The following PSMB8 variants were observed in gnomAD, a reference collection of about 807,000 sequenced individuals.
The protein encoded by PSMB8 is proteasome subunit beta type-8.
Under a neutral mutation model 32.3 loss-of-function variants are expected in PSMB8, and 20 were observed. The observed-to-expected ratio is 0.62, with a 90% CI of 0.44 to 0.90. The LOEUF is 0.90. PSMB8 is among the 40% of genes least tolerant of loss of function. PSMB8 has a pLI of 0.00. For missense variants in PSMB8, 342 were observed against 365.4 expected, an observed-to-expected ratio of 0.94 and a Z score of 0.52; for synonymous variants, 131 against 135.4, an observed-to-expected ratio of 0.97 and a Z score of 0.23.
At chr6:32,842,376 A>G (rs1345530442) in intron 3 of PSMB8, 113 bp from the exon 4 acceptor site, 2 of 1,378,750 alleles carry the variant, frequency 1.5e-6, no homozygotes, top group Non-Finnish European at 2.0e-6. Context: ...GTAGGATCTA[A>G]AGATCAGAGA....
upstream of PSMB8, chr6:32,844,401 T>C: frequency 6.2e-7 from 1 of 1,612,596 alleles, no homozygotes. Flanking sequence ...GGGGTGGGGG[T>C]TCCTATGAGC....
rs777501003 is a variant in PSMB8, at chr6:32,841,616, A to G, written c.657T>C (p.Leu219=). The part of the protein sequence containing the change: ...GVMDSGYRPN[L]SPEEAYDLGR... ...CAAGGTCATAGGCCTCTTCAGGGCT[A>G]AGATTAGGCCGATAGCCACTGTCCA... is the stretch of plus-strand genomic sequence containing the variant. Residue 219 remains leucine (L), a synonymous_variant, in exon 5 of 6, where the codon CTT becomes CTC. Transcript: ENST00000374882. The G allele has an allele frequency of 6.2e-7, 1 of 1,613,050 alleles. No homozygotes were observed. Among genetic ancestry groups the G allele is most frequent in the South Asian group, 1.1e-5 (1 of 91,086 alleles).
rs370921298 is a variant in PSMB8 at position 32,842,927 on chromosome 6, A to G, written c.295+15T>C. On this transcript the variant is annotated intron_variant, in intron 2 of 5. Transcript: ENST00000374882. ...CAGCTCCCCAGATTCTGCCTGCTGG[A>G]GCGTATACACTCACTAATGTAGGAC... is the stretch of plus-strand genomic sequence containing the variant. The G allele has an allele frequency of 1.9e-6, 3 of 1,613,748 alleles. No individual in the cohort carries two copies. The highest frequency in any genetic ancestry group is 2.5e-6 in the Non-Finnish European group (3 of 1,180,036).
chr6:32,842,563 A>G (rs1769980898), intron 3 of PSMB8, 109 bp downstream of exon 3: 2 of 1,064,376 alleles, frequency 1.9e-6, no homozygotes, highest in African/African-American at 3.1e-5. Context: ...TGTGAAATAT[A>G]CTATTAGCAC....
In PSMB8 at chr6:32,842,674, G is replaced by A. The variant is rs146254972; in HGVS notation, c.405C>T (p.Cys135=). The A allele has an allele frequency of 4.3e-6, 7 of 1,612,680 alleles. No individual in the cohort carries two copies. The African/African-American group carries it at 5.3e-5, about 12-fold the overall frequency. The change falls in exon 3 of 6, where the codon TGC becomes TGT. Residue 135 remains cysteine (C), a splice_region_variant and synonymous_variant. Coordinates refer to ENST00000374882, the MANE Select transcript of PSMB8 (RefSeq NM_148919.4). The stretch of plus-strand genomic sequence containing the variant: ...GGAAGATGAGAGGCCTCGCTTACCT[G>A]CATTCCTTGGCCAGCAGGCGCTCCC... ...QYWERLLAKE[C]RLYYLRNGER...
upstream of PSMB8, chr6:32,844,389 GC>G (rs1221011542): frequency 3.1e-6 from 5 of 1,613,844 alleles, no homozygotes; most frequent in Non-Finnish European, 4.2e-6. Context: ...GTAGTGTCAC[GC>G]GGGGTGGGGG....
Position 32,841,571 on chromosome 6 carries a change from A to G in PSMB8, c.702T>C (p.Tyr234=), listed in dbSNP as rs774779801. The part of the protein sequence containing the change: ...AYDLGRRAIA[Y]ATHRDSYSGG... ...CAGAATAGCTGTCTCTGTGAGTGGC[A>G]TAAGCAATAGCCCTGCGGCCAAGGT... The change falls in exon 5 of 6, where the codon TAT becomes TAC. Residue 234 remains tyrosine (Y), a synonymous_variant. Transcript: ENST00000374882. The G allele has an allele frequency of 6.2e-7, 1 of 1,612,974 alleles. No homozygotes were observed. The highest frequency in any genetic ancestry group is 8.5e-7 in the Non-Finnish European group (1 of 1,180,020).
chr6:32,843,361 A>G (rs1308767693), intron 1 of PSMB8, among the ~76,000 whole-genome samples: 1 of 152,168 alleles, frequency 6.6e-6, no homozygotes, highest in Non-Finnish European at 1.5e-5. Context: ...GAGTGACTTA[A>G]AGGGTTTCTT....
chr6:32,844,468 G>A (rs1770192509), upstream of PSMB8: 1 of 1,605,822 alleles, frequency 6.2e-7, no homozygotes. Flanking sequence ...CTTGGAAACA[G>A]GTCCTGGGCC....
intron 2 of PSMB8, 68 bp from the exon 3 acceptor site, chr6:32,842,851 A>G: frequency 1.2e-6 from 2 of 1,609,478 alleles, no homozygotes; most frequent in Non-Finnish European, 8.5e-7. Context: ...TCCTAAATCA[A>G]TATCCACTTC....
upstream of PSMB8, chr6:32,844,197 G>T (rs1770154408): frequency 6.4e-7 from 1 of 1,570,282 alleles, no homozygotes; most frequent in African/African-American, 1.4e-5. Flanking sequence ...GGGAATGATG[G>T]GTCAAGGGTC....
rs764796340 is a variant in PSMB8, at chr6:32,841,610, A to C, written c.663T>G (p.Pro221=). ...TGCGGCCAAGGTCATAGGCCTCTTC[A>C]GGGCTAAGATTAGGCCGATAGCCAC... The part of the protein sequence containing the change: ...MDSGYRPNLS[P]EEAYDLGRRA... Residue 221 remains proline, a synonymous_variant, in exon 5 of 6, where the codon CCT becomes CCG. Coordinates refer to ENST00000374882, the MANE Select transcript of PSMB8 (RefSeq NM_148919.4). The C allele has an allele frequency of 6.2e-6, 10 of 1,612,948 alleles. No homozygotes were observed. The highest frequency in any genetic ancestry group is 8.5e-6 in the Non-Finnish European group (10 of 1,180,042).
Position 32,843,972 on chromosome 6 carries a change from C to A in PSMB8, c.25G>T (p.Ala9Ser). 6.2e-7 allele frequency: 1 copy of A among 1,612,464 alleles called. No individual in the cohort carries two copies. The highest frequency in any genetic ancestry group is 8.5e-7 in the Non-Finnish European group (1 of 1,179,842). The change falls in exon 1 of 6, where the codon GCC becomes TCC. Residue 9 changes from alanine to serine, a missense_variant. Ala to Ser is a moderately conservative substitution (Grantham distance 99). Coordinates refer to ENST00000374882, the MANE Select transcript of PSMB8 (RefSeq NM_148919.4). ...GATTCCGGCCGCTGCCCTCGGGGGG[C>A]TCCGCATACATCTAGTAGCGCCATG... MALLDVCG[A>S]PRGQRPESAL...
In PSMB8 at chr6:32,842,983, A is replaced by G. The variant is rs548445572; in HGVS notation, c.254T>C (p.Ile85Thr). The G allele has an allele frequency of 1.9e-6, 3 of 1,613,182 alleles. No homozygotes were observed. The highest frequency in any genetic ancestry group is 1.7e-5 in the Admixed American group (1 of 60,026). Residue 85 changes from isoleucine to threonine, a missense_variant, in exon 2 of 6, where the codon ATT (isoleucine) becomes ACT (threonine). By Grantham distance (89) the Ile-to-Thr change is moderately conservative. Coordinates refer to ENST00000374882, the MANE Select transcript of PSMB8 (RefSeq NM_148919.4). The stretch of plus-strand genomic sequence containing the variant: ...TGAGGCCCGAGAATCCACTGCTGCA[A>G]TCACTCCATGCTGGAACTTGAAGGC... ...TLAFKFQHGV[I>T]AAVDSRASAG...
chr6:32,844,505 T>C, upstream of PSMB8: 1 of 1,512,816 alleles, frequency 6.6e-7, no homozygotes. Flanking sequence ...ACCCGCCGCG[T>C]GTAGGGGAAG....
chr6:32,844,062 G>A, upstream of PSMB8: 1 of 1,590,848 alleles, frequency 6.3e-7, no homozygotes, highest in African/African-American at 1.3e-5. Flanking sequence ...GCCACAGATC[G>A]AAGGGGAGGG....
upstream of PSMB8, chr6:32,844,468 GGT>G (rs1770192865): frequency 2.9e-5 from 47 of 1,605,704 alleles, no homozygotes; most frequent in Non-Finnish European, 4.0e-5. Flanking sequence ...CTTGGAAACA[GGT>G]CCTGGGCCAA....
Position 32,842,948 on chromosome 6 carries a change from A to G in PSMB8, c.289T>C (p.Tyr97His). 2 of 1,613,534 alleles carry G rather than the reference A, an allele frequency of 1.2e-6. No individual in the cohort carries two copies. Among genetic ancestry groups the G allele is most frequent in the Non-Finnish European group, 1.7e-6 (2 of 1,180,044 alleles). The change falls in exon 2 of 6, where the codon TAC (tyrosine) becomes CAC (histidine). Residue 97 changes from tyrosine (Y) to histidine (H), a missense_variant. By Grantham distance (83) the Tyr-to-His change is moderately conservative (BLOSUM62 2). Coordinates refer to ENST00000374882, the MANE Select transcript of PSMB8 (RefSeq NM_148919.4). ...CTGGAGCGTATACACTCACTAATGTAGGACCCAGCTGAGGCCCGAGAATCC... is the reference window on the plus strand; with the variant it reads ...CTGGAGCGTATACACTCACTAATGTGGGACCCAGCTGAGGCCCGAGAATCC... ...AVDSRASAGSYISALRVNKVI... is the reference protein window; with the variant it reads ...AVDSRASAGSHISALRVNKVI...
chr6:32,840,904 C>A lies in PSMB8; in HGVS notation c.*55G>T. 2 of 1,474,598 alleles carry A rather than the reference C, an allele frequency of 1.4e-6. No individual in the cohort carries two copies. The highest frequency in any genetic ancestry group is 2.3e-5 in the South Asian group (2 of 88,164). The allele number at this position is 1,474,598 out of a possible 1,614,324, so 91.3% of individuals were successfully genotyped here. A position where few individuals can be genotyped will look rare whatever the true frequency, so the allele number is the denominator to read the frequency against. On this transcript the variant is annotated 3_prime_UTR_variant, in exon 6 of 6. Coordinates refer to ENST00000374882, the MANE Select transcript of PSMB8 (RefSeq NM_148919.4). Reference sequence around the variant, plus strand: ...TCCTTGGACTTAACGTGGCTTAGGTCCCTGAGTCGGCCAAGACCTCCCAGA... The same window carrying A: ...TCCTTGGACTTAACGTGGCTTAGGTACCTGAGTCGGCCAAGACCTCCCAGA...
Sources: gnomAD v4.1 joint callset for allele counts (sites outside exome capture counted in the v4.1 genomes callset) on GRCh38, gnomAD v4.1.1 for gene constraint, MANE v1.5 for transcripts, NCBI Gene and HGNC (gene_info 2026-07-23, HGNC 2026-07-21) for gene names.